Variants in CHGA observed in about 807,000 individuals in gnomAD.
CHGA encodes the protein chromogranin-A.
Under a neutral mutation model 54.4 loss-of-function variants are expected in CHGA, and 41 were observed. That is an observed-to-expected ratio of 0.75 (90% CI 0.59 to 0.98). CHGA has a LOEUF of 0.98. CHGA is among the 50% of genes least tolerant of loss of function. The probability of loss-of-function intolerance (pLI) is 0.00; values close to 1 mark genes in which losing one functional copy is unlikely to be tolerated. For synonymous variants in CHGA, 249 were observed against 232.8 expected, an observed-to-expected ratio of 1.07 and a Z score of -0.63; for missense variants, 576 against 582.3, an observed-to-expected ratio of 0.99 and a Z score of 0.11.
At position 92,932,945 on chromosome 14, in the gene CHGA, C is replaced by G. The variant is rs918633263; in HGVS notation, c.1290+94C>G. The G allele has an allele frequency of 7.0e-7, 1 of 1,427,446 alleles. No homozygotes were observed. The highest frequency in any genetic ancestry group is 1.4e-5 in the African/African-American group (1 of 69,272). 88.4% of individuals were successfully genotyped at this position (1,427,446 alleles called of 1,614,324 possible). A position where few individuals can be genotyped will look rare whatever the true frequency, so the allele number is the denominator to read the frequency against. On this transcript the variant is annotated intron_variant, in intron 7 of 7. Transcript: ENST00000216492. The surrounding 1 kb of genome is among the most constrained non-coding windows in gnomAD (Gnocchi z 5.3). ...CACTGCCCCTGCCCCACTGAGGGGA[C>G]AGGGCCCCCCCGCCGAAGTCTGGGG...
At position 92,931,674 on chromosome 14, in the gene CHGA, T is replaced by G; in HGVS notation, c.780T>G (p.Leu260=). ...PTVVLNPHPS[L]GYKEIRKGES... is the part of the protein sequence containing the mutation. Reference sequence around the variant, plus strand: ...TAGTGCTGAACCCCCACCCGAGCCTTGGCTACAAGGAGATCCGGAAAGGCG... The same window carrying G: ...TAGTGCTGAACCCCCACCCGAGCCTGGGCTACAAGGAGATCCGGAAAGGCG... Residue 260 remains leucine, a synonymous_variant, in exon 6 of 8, where the codon CTT becomes CTG. Transcript: ENST00000216492. The G allele has an allele frequency of 6.3e-7, 1 of 1,589,096 alleles. No individual in the cohort carries two copies. The highest frequency in any genetic ancestry group is 1.1e-5 in the South Asian group (1 of 87,998).
intron 7 of CHGA, among the ~76,000 whole-genome samples, chr14:92,933,555 G>A (rs901025887): frequency 6.6e-6 from 1 of 152,144 alleles, no homozygotes; most frequent in African/African-American, 2.4e-5. Context: ...AGGCGGCTGG[G>A]ATACCTGGTT....
intron 2 of CHGA, among the ~76,000 whole-genome samples, chr14:92,925,031 CTGTT>C (rs1411038361): frequency 1.3e-5 from 2 of 152,194 alleles, no homozygotes; most frequent in African/African-American, 4.8e-5. Context: ...ATTCCAACCT[CTGTT>C]TGCTCAATTA....
intron 3 of CHGA, among the ~76,000 whole-genome samples, 155 bp downstream of exon 3, chr14:92,926,853 C>G (rs552254269): frequency 3.4e-4 from 52 of 152,324 alleles, no homozygotes; most frequent in African/African-American, 1.2e-3. Flanking sequence ...CCAAGGTGTA[C>G]AGACAGTTGA....
Position 92,932,786 on chromosome 14 carries a change from C to T in CHGA, c.1225C>T (p.Leu409Phe). 1.9e-6 allele frequency: 3 copies of T among 1,581,152 alleles called. No homozygotes were observed. The highest frequency in any genetic ancestry group is 2.6e-6 in the Non-Finnish European group (3 of 1,162,756). ...GGACAGCCTTGAGGCGGGCCTGCCC[C>T]TCCAGGTCCGAGGCTACCCCGAGGA... The part of the protein sequence containing the change: ...REDSLEAGLP[L>F]QVRGYPEEKK... Residue 409 changes from leucine to phenylalanine, a missense_variant, in exon 7 of 8, where the codon CTC becomes TTC. Coordinates refer to ENST00000216492, the MANE Select transcript of CHGA (RefSeq NM_001275.4). This position sits in a 1 kb window ranked among gnomAD's most constrained non-coding sequence, Gnocchi z 5.3.
chr14:92,928,404 G>A (rs542963503), intron 4 of CHGA, among the ~76,000 whole-genome samples: 13 of 152,268 alleles, frequency 8.5e-5, no homozygotes, highest in Non-Finnish European at 1.8e-4. Context: ...GATTCCTGTG[G>A]CCCTTTCCAA....
At position 92,932,416 on chromosome 14, in the gene CHGA, T is replaced by C; in HGVS notation, c.855T>C (p.Ala285=). The change falls in exon 7 of 8, where the codon GCT becomes GCC. Residue 285 remains alanine, a synonymous_variant. Coordinates refer to ENST00000216492, the MANE Select transcript of CHGA (RefSeq NM_001275.4). The surrounding 1 kb of genome is among the most constrained non-coding windows in gnomAD (Gnocchi z 5.3). ...TGGATGGAGCTGGGAAGCCTGGGGCTGAGGAGGCTCAGGACCCCGAAGGGA... is the reference window on the plus strand; with the variant it reads ...TGGATGGAGCTGGGAAGCCTGGGGCCGAGGAGGCTCAGGACCCCGAAGGGA... ...LAVDGAGKPG[A]EEAQDPEGKG... is the part of the protein sequence containing the mutation. The C allele has an allele frequency of 6.3e-7, 1 of 1,576,220 alleles. No individual in the cohort carries two copies. The highest frequency in any genetic ancestry group is 8.6e-7 in the Non-Finnish European group (1 of 1,161,250).
chr14:92,923,491 C>G (rs1205728638), intron 1 of CHGA, 86 bp downstream of exon 1: 4 of 1,135,782 alleles, frequency 3.5e-6, no homozygotes, highest in Middle Eastern at 3.3e-4. Flanking sequence ...CGCCCCGCAC[C>G]CCTCCACACT....
Position 92,932,717 on chromosome 14 carries a change from C to T in CHGA, c.1156C>T (p.Pro386Ser). 6.2e-7 allele frequency: 1 copy of T among 1,611,136 alleles called. No individual in the cohort carries two copies. The highest frequency in any genetic ancestry group is 8.5e-7 in the Non-Finnish European group (1 of 1,179,546). ...GGCCCGGGCCTACGGCTTCAGGGGCCCTGGGCCGCAGCTGCGACGAGGCTG... is the reference window on the plus strand; with the variant it reads ...GGCCCGGGCCTACGGCTTCAGGGGCTCTGGGCCGCAGCTGCGACGAGGCTG... ...FRARAYGFRG[P>S]GPQLRRGWRP... Residue 386 changes from proline (P) to serine (S), a missense_variant, in exon 7 of 8, where the codon CCT (proline) becomes TCT (serine). Transcript: ENST00000216492. This position sits in a 1 kb window ranked among gnomAD's most constrained non-coding sequence, Gnocchi z 5.3.
intron 7 of CHGA, among the ~76,000 whole-genome samples, chr14:92,933,970 C>A (rs778600536): frequency 1.3e-5 from 2 of 152,182 alleles, no homozygotes; most frequent in Non-Finnish European, 2.9e-5. Context: ...CCGAGCCTCG[C>A]AGAGCACCTG....
chr14:92,932,715 G>T lies in CHGA; in HGVS notation c.1154G>T (p.Gly385Val). Residue 385 changes from glycine (G) to valine (V), a missense_variant, in exon 7 of 8, where the codon GGC (glycine) becomes GTC (valine). Transcript: ENST00000216492. This position sits in a 1 kb window ranked among gnomAD's most constrained non-coding sequence, Gnocchi z 5.3. ...CGGGCCCGGGCCTACGGCTTCAGGG[G>T]CCCTGGGCCGCAGCTGCGACGAGGC... ...SFRARAYGFR[G>V]PGPQLRRGWR... is the part of the protein sequence containing the mutation. The T allele has an allele frequency of 3.7e-6, 6 of 1,611,108 alleles. No individual in the cohort carries two copies. The highest frequency in any genetic ancestry group is 4.2e-6 in the Non-Finnish European group (5 of 1,179,552).
rs538546804 is a variant in CHGA, at chr14:92,931,813, G to A, written c.808+111G>A. ...CCTTCATAACAACCCTGAAAGGTAG[G>A]TATTAGCTCCATTTCCCAGGTGGAC... On this transcript the variant is annotated intron_variant, in intron 6 of 7. Coordinates refer to ENST00000216492, the MANE Select transcript of CHGA (RefSeq NM_001275.4). 34 of 1,111,306 alleles carry A rather than the reference G, an allele frequency of 3.1e-5. No homozygotes were observed. The African/African-American group carries it at 4.9e-4, about 16-fold the overall frequency. 68.8% of individuals were successfully genotyped at this position (1,111,306 alleles called of 1,614,324 possible).
intron 4 of CHGA, among the ~76,000 whole-genome samples, chr14:92,929,483 AG>A (rs1886951644): frequency 6.6e-6 from 1 of 152,180 alleles, no homozygotes; most frequent in Non-Finnish European, 1.5e-5. Context: ...CTGGCCTCCC[AG>A]GGAGAAGCTG....
At chr14:92,925,620 C>T (rs1038218453) in intron 2 of CHGA, among the ~76,000 whole-genome samples, 2 of 152,192 alleles carry the variant, frequency 1.3e-5, no homozygotes, top group South Asian at 2.1e-4. Context: ...CACTCCCTGC[C>T]GGTGTTGCCT....
chr14:92,927,665 G>A, intron 4 of CHGA, 47 bp downstream of exon 4: 1 of 1,447,212 alleles, frequency 6.9e-7, no homozygotes, highest in East Asian at 2.3e-5. Flanking sequence ...TCCAGTAACT[G>A]AGAGTCAGAA....
rs780244559 is a variant in CHGA, at chr14:92,932,733, G to A, written c.1172G>A (p.Arg391Gln). The A allele has an allele frequency of 1.1e-5, 17 of 1,610,062 alleles. No individual in the cohort carries two copies. Among genetic ancestry groups the A allele is most frequent in the Middle Eastern group, 1.7e-4 (1 of 6,022 alleles). Reference sequence around the variant, plus strand: ...TTCAGGGGCCCTGGGCCGCAGCTGCGACGAGGCTGGAGGCCATCCTCCCGG... The same window carrying A: ...TTCAGGGGCCCTGGGCCGCAGCTGCAACGAGGCTGGAGGCCATCCTCCCGG... The part of the protein sequence containing the change: ...YGFRGPGPQL[R>Q]RGWRPSSRED... The change falls in exon 7 of 8, where the codon CGA becomes CAA. Residue 391 changes from arginine (R) to glutamine (Q), a missense_variant. By Grantham distance (43) the Arg-to-Gln change is conservative. Coordinates refer to ENST00000216492, the MANE Select transcript of CHGA (RefSeq NM_001275.4). The surrounding 1 kb of genome is among the most constrained non-coding windows in gnomAD (Gnocchi z 5.3).
chr14:92,923,316 G>T lies in CHGA; in HGVS notation c.-44G>T. ...CAGCCGCCCCTCGCCCGGTGCCTAGGTGCCCGGCCCCACACCGCCAGCTGC... is the reference window on the plus strand; with the variant it reads ...CAGCCGCCCCTCGCCCGGTGCCTAGTTGCCCGGCCCCACACCGCCAGCTGC... On this transcript the variant is annotated 5_prime_UTR_variant, in exon 1 of 8. Coordinates refer to ENST00000216492, the MANE Select transcript of CHGA (RefSeq NM_001275.4). The T allele has an allele frequency of 7.6e-7, 1 of 1,314,240 alleles. No homozygotes were observed. The highest frequency in any genetic ancestry group is 9.7e-7 in the Non-Finnish European group (1 of 1,034,576). The allele number at this position is 1,314,240 out of a possible 1,614,324, so 81.4% of individuals were successfully genotyped here.
At chr14:92,925,876 G>A (rs1037650324) in intron 2 of CHGA, among the ~76,000 whole-genome samples, 2 of 152,150 alleles carry the variant, frequency 1.3e-5, no homozygotes, top group African/African-American at 2.4e-5. Context: ...ACCACATTAC[G>A]GTGGGCACCA....
upstream of CHGA, among the ~76,000 whole-genome samples, chr14:92,922,775 G>A (rs7159215): frequency 2.4e-3 from 363 of 152,296 alleles, 3 homozygotes; most frequent in Non-Finnish European, 4.1e-3. Flanking sequence ...CATACCCCAG[G>A]CAGAGGGCAC....
Sources: allele counts gnomAD v4.1 joint callset (sites outside exome capture counted in the v4.1 genomes callset), GRCh38; gene constraint gnomAD v4.1.1; non-coding constraint Gnocchi (gnomAD v3.1); transcripts MANE v1.5; gene names NCBI Gene and HGNC (gene_info 2026-07-23, HGNC 2026-07-21).